The following PTPRD variants were observed in gnomAD, a reference collection of about 807,000 sequenced individuals.
PTPRD encodes protein tyrosine phosphatase receptor type D.
A neutral mutation model predicts 214.5 loss-of-function variants in PTPRD; 34 were observed. The ratio of observed to expected loss-of-function variants is 0.16; its 90% confidence interval spans 0.12 to 0.21. The LOEUF (loss-of-function observed/expected upper bound fraction) is 0.21, where lower values mean the gene tolerates loss of function less well. Ranked by LOEUF, PTPRD falls within the 10% of genes least tolerant of loss-of-function variation. The pLI, the probability that PTPRD is intolerant of heterozygous loss-of-function variation, is 1.00. For missense variants in PTPRD, 2,545 were observed against 2,398.7 expected (o/e 1.06, Z -1.27); for synonymous variants, 1,128 against 845.7 (o/e 1.33, Z -5.79).
chr9:10,577,234 A>G (rs1261705875), intron 2 of PTPRD, among the ~76,000 whole-genome samples: 2 of 152,176 alleles, frequency 1.3e-5, no homozygotes, highest in Non-Finnish European at 2.9e-5. Context: ...ATGAACATTC[A>G]AAATGTTTAG....
intron 7 of PTPRD, among the ~76,000 whole-genome samples, chr9:9,696,411 A>G (rs562500338): frequency 1.3e-5 from 2 of 152,200 alleles, no homozygotes; most frequent in East Asian, 3.9e-4. Flanking sequence ...TTGAAGTCCC[A>G]TGCTATTATT....
intron 12 of PTPRD, among the ~76,000 whole-genome samples, chr9:8,640,434 A>G (rs2096548653): frequency 6.6e-6 from 1 of 152,052 alleles, no homozygotes; most frequent in Admixed American, 6.5e-5. Flanking sequence ...AAGTCATGGA[A>G]TGAAATTAAC....
rs183181948 is a variant in PTPRD at position 9,764,786 on chromosome 9, A to G, written c.-326+2024T>C. ...AGTGACAGACTCATACTTCAAACCC[A>G]GGAAGGTCCAATTTCAAAGTCACGA... On this transcript the variant is annotated intron_variant, in intron 6 of 45. Transcript: ENST00000381196. Among the ~76,000 whole-genome samples, 614 of 152,266 alleles carry G rather than the reference A, an allele frequency of 4.0e-3. 4 individuals are homozygous for G. Among genetic ancestry groups the G allele is most frequent in the African/African-American group, 0.014 (586 of 41,542 alleles).
chr9:8,681,935 C>G (rs1371964989), intron 12 of PTPRD, among the ~76,000 whole-genome samples: 1 of 152,078 alleles, frequency 6.6e-6, no homozygotes, highest in Non-Finnish European at 1.5e-5. Context: ...TGCTGAACAA[C>G]CGACTACGGT....
chr9:9,655,162 AAG>A (rs1250140684), intron 7 of PTPRD, among the ~76,000 whole-genome samples: 2 of 152,190 alleles, frequency 1.3e-5, no homozygotes, highest in African/African-American at 4.8e-5. Flanking sequence ...TTAAGAGAAT[AAG>A]ACAAGCCACA....
At chr9:9,783,444 G>A (rs983789996) in intron 5 of PTPRD, among the ~76,000 whole-genome samples, 1 of 152,048 alleles carries the variant, frequency 6.6e-6, no homozygotes, top group African/African-American at 2.4e-5. Flanking sequence ...TTTATATGCT[G>A]GGGTACACTG....
At chr9:9,312,701 C>CA (rs1325216570) in intron 9 of PTPRD, among the ~76,000 whole-genome samples, 15 of 151,998 alleles carry the variant, frequency 9.9e-5, no homozygotes, top group Non-Finnish European at 1.9e-4. Context: ...TAGGCTCTGG[C>CA]CAACCTCTAC....
chr9:9,946,267 G>A (rs1057384763), intron 4 of PTPRD, among the ~76,000 whole-genome samples: 2 of 152,060 alleles, frequency 1.3e-5, no homozygotes, highest in African/African-American at 4.8e-5. Context: ...GAAAATAGGT[G>A]GTACTCAATA....
chr9:9,333,014 G>A (rs1253777194), intron 9 of PTPRD, among the ~76,000 whole-genome samples: 1 of 152,004 alleles, frequency 6.6e-6, no homozygotes, highest in Non-Finnish European at 1.5e-5. Context: ...GCATGGATAA[G>A]ACACTGAATC....
chr9:9,139,923 G>C (rs1346677672), intron 10 of PTPRD, among the ~76,000 whole-genome samples: 1 of 151,974 alleles, frequency 6.6e-6, no homozygotes, highest in Non-Finnish European at 1.5e-5. Context: ...AATTTGAAGA[G>C]TCCTAGTACC....
At chr9:8,446,934 C>T (rs572427054) in intron 34 of PTPRD, among the ~76,000 whole-genome samples, 12 of 152,280 alleles carry the variant, frequency 7.9e-5, no homozygotes, top group East Asian at 1.9e-4. Flanking sequence ...AATTAACAGC[C>T]GCTGGCTAAA....
chr9:9,698,343 C>G (rs2154409750), intron 7 of PTPRD, among the ~76,000 whole-genome samples: 1 of 152,278 alleles, frequency 6.6e-6, no homozygotes, highest in South Asian at 2.1e-4. Context: ...TGCTAAGTTA[C>G]TTTCTCCTTT....
In PTPRD at chr9:9,244,771, C is replaced by A. The variant is rs541225323; in HGVS notation, c.-202-61408G>T. On this transcript the variant is annotated intron_variant, in intron 9 of 45. Transcript: ENST00000381196. ...ACACCAAAAGCAATGGCAACAAAAG[C>A]CAAAATTGACAAATGGGATCTCATT... Among the ~76,000 whole-genome samples the A allele has an allele frequency of 6.8e-3, 1,035 of 152,084 alleles. 12 individuals carry two copies. Among genetic ancestry groups the A allele is most frequent in the African/African-American group, 0.023 (965 of 41,488 alleles).
At chr9:9,349,744 GCACC>G (rs2050369420) in intron 9 of PTPRD, among the ~76,000 whole-genome samples, 1 of 150,232 alleles carries the variant, frequency 6.7e-6, no homozygotes, top group South Asian at 2.1e-4. Flanking sequence ...CACTTAAGTG[GCACC>G]CATCACATGT....
At chr9:8,515,152 T>A (rs2097761761) in intron 21 of PTPRD, among the ~76,000 whole-genome samples, 1 of 152,196 alleles carries the variant, frequency 6.6e-6, no homozygotes, top group South Asian at 2.1e-4. Context: ...CCAGAATCCC[T>A]GGATTTAAAT....
In PTPRD at chr9:9,265,734, A is replaced by T. The variant is rs1292726822; in HGVS notation, c.-202-82371T>A. Among the ~76,000 whole-genome samples the T allele has an allele frequency of 3.3e-5, 5 of 151,368 alleles. No individual in the cohort carries two copies. The Admixed American group carries it at 3.3e-4, about 10-fold the overall frequency. On this transcript the variant is annotated intron_variant, in intron 9 of 45. Coordinates refer to ENST00000381196, the MANE Select transcript of PTPRD (RefSeq NM_002839.4). ...TAGTATATACACAAAAGATGAAAAG[A>T]CTCAAAGCACACCACTACAAAAAAT...
chr9:8,631,000 T>C (rs2096235373), intron 14 of PTPRD, among the ~76,000 whole-genome samples: 1 of 151,932 alleles, frequency 6.6e-6, no homozygotes, highest in Non-Finnish European at 1.5e-5. Flanking sequence ...ATACCTTCTA[T>C]ATGATGGCAC....
At chr9:8,544,889 CTTTTTT>C (rs869280997) in intron 14 of PTPRD, among the ~76,000 whole-genome samples, 3 of 118,728 alleles carry the variant, frequency 2.5e-5, no homozygotes, top group African/African-American at 3.3e-5. Context: ...AAAGACAGTC[CTTTTTT>C]TTTTTTTTTT....
At chr9:8,624,132 A>C (rs960753970) in intron 14 of PTPRD, among the ~76,000 whole-genome samples, 1 of 151,908 alleles carries the variant, frequency 6.6e-6, no homozygotes, top group African/African-American at 2.4e-5. Flanking sequence ...GAAGCAATTG[A>C]CTACCTGGAC....
Sources: allele counts gnomAD v4.1 joint callset (sites outside exome capture counted in the v4.1 genomes callset), GRCh38; gene constraint gnomAD v4.1.1; transcripts MANE v1.5; gene names NCBI Gene and HGNC (gene_info 2026-07-23, HGNC 2026-07-21).